TRRAP: variants seen among roughly 807,000 people sequenced by gnomAD.
TRRAP encodes transformation/transcription domain-associated protein.
A neutral mutation model predicts 438.8 loss-of-function variants in TRRAP; 41 were observed. The observed-to-expected ratio is 0.09, with a 90% CI of 0.07 to 0.12. The LOEUF (loss-of-function observed/expected upper bound fraction) is 0.12. Ranked by LOEUF, TRRAP falls within the 10% of genes least tolerant of loss-of-function variation. The pLI is 1.00. For synonymous variants in TRRAP, 1,994 were observed against 1,962.9 expected (o/e 1.02, Z -0.42); for missense variants, 3,122 against 5,055.1 (o/e 0.62, Z 11.60).
chr7:98,958,768 C>G (rs1775835690), intron 44 of TRRAP, among the ~76,000 whole-genome samples: 1 of 152,132 alleles, frequency 6.6e-6, no homozygotes, highest in African/African-American at 2.4e-5. Flanking sequence ...GAACGGTACA[C>G]AGCTCAGTAA....
intron 53 of TRRAP, 168 bp from the exon 54 acceptor site, chr7:98,975,981 G>C (rs917668463): frequency 1.1e-6 from 1 of 896,298 alleles, no homozygotes; most frequent in Non-Finnish European, 1.6e-6. Context: ...CCACCACTCA[G>C]GATCTGTGGG....
chr7:98,971,714 T>C, intron 52 of TRRAP, 85 bp from the exon 53 acceptor site: 4 of 1,501,958 alleles, frequency 2.7e-6, no homozygotes, highest in Non-Finnish European at 3.6e-6. Context: ...ACCAAAATTG[T>C]AACAAGAAGC....
At chr7:98,967,210 G>A in intron 50 of TRRAP, 48 bp downstream of exon 50, 1 of 1,577,216 alleles carries the variant, frequency 6.3e-7, no homozygotes, top group Admixed American at 1.9e-5. Flanking sequence ...TCCTTAATGT[G>A]CTCCCCGGCC....
chr7:98,922,603 C>G (rs1159869813), intron 21 of TRRAP, among the ~76,000 whole-genome samples: 1 of 152,148 alleles, frequency 6.6e-6, no homozygotes, highest in African/African-American at 2.4e-5. Flanking sequence ...CCAGTCCTTC[C>G]CCACATGGTG....
chr7:98,879,184 A>G (rs892954348), intron 1 of TRRAP, among the ~76,000 whole-genome samples: 3 of 152,164 alleles, frequency 2.0e-5, no homozygotes, highest in African/African-American at 7.2e-5. Flanking sequence ...GAGTAGGAGC[A>G]GGCCCGGCGC....
intron 39 of TRRAP, 86 bp from the exon 40 acceptor site, chr7:98,953,071 GTGTGTGTGTT>G (rs1236539592): frequency 5.1e-5 from 23 of 454,390 alleles, no homozygotes; most frequent in African/African-American, 4.0e-4. Context: ...GTGTGTGTGT[GTGTGTGTGTT>G]TTTAAGGCTT....
chr7:98,929,573 T>A (rs530850290), intron 23 of TRRAP, among the ~76,000 whole-genome samples: 1 of 152,146 alleles, frequency 6.6e-6, no homozygotes, highest in Non-Finnish European at 1.5e-5. Context: ...GAAATCTCAG[T>A]GGTGGCTTTT....
intron 26 of TRRAP, 129 bp from the exon 27 acceptor site, chr7:98,933,112 A>G (rs1790401862): frequency 2.0e-5 from 25 of 1,276,094 alleles, no homozygotes; most frequent in Non-Finnish European, 2.5e-5. Context: ...CATGAAATGT[A>G]TCTCCCGTTC....
At chr7:98,991,105 C>T (rs890983049) in intron 64 of TRRAP, among the ~76,000 whole-genome samples, 2 of 152,190 alleles carry the variant, frequency 1.3e-5, no homozygotes, top group African/African-American at 4.8e-5. Flanking sequence ...GCAGTGGGGC[C>T]AGGCCGGGGA....
intron 53 of TRRAP, chr7:98,975,834 T>A (rs1317897588): frequency 7.7e-6 from 2 of 258,774 alleles, no homozygotes; most frequent in Non-Finnish European, 1.5e-5. Context: ...TTCAGTCTTG[T>A]CAGTGTTTTT....
chr7:98,962,813 C>T (rs1336213329), intron 47 of TRRAP, among the ~76,000 whole-genome samples: 1 of 152,218 alleles, frequency 6.6e-6, no homozygotes, highest in Non-Finnish European at 1.5e-5. Flanking sequence ...CTTGTCCCGT[C>T]TTATTGCTGA....
rs182184427 is a variant in TRRAP, at chr7:98,899,543, T to C, written c.711+44T>C. On this transcript the variant is annotated intron_variant, in intron 9 of 72. Transcript: ENST00000456197. ...AGTCTCTTGGGTTTTGGGCTTCTTA[T>C]AAGAAAATTGGCATCTGGGGCCAAA... 35 of 1,610,624 alleles carry C rather than the reference T, an allele frequency of 2.2e-5. No individual in the cohort carries two copies. In the South Asian group the frequency reaches 2.3e-4, roughly 11 times the overall value.
intron 13 of TRRAP, among the ~76,000 whole-genome samples, chr7:98,907,636 C>T (rs1288094492): frequency 6.6e-6 from 1 of 152,204 alleles, no homozygotes; most frequent in Non-Finnish European, 1.5e-5. Flanking sequence ...TAGAGAAAAC[C>T]CAAACTCTTG....
chr7:98,999,624 C>T, intron 67 of TRRAP: 1 of 844,512 alleles, frequency 1.2e-6, no homozygotes, highest in Non-Finnish European at 2.0e-6. Context: ...GAGCAGAGAG[C>T]TGAGTTGGTG....
chr7:98,950,100 G>T lies in TRRAP; in HGVS notation c.5172G>T (p.Leu1724=), dbSNP rs1791265497. The T allele has an allele frequency of 3.1e-6, 5 of 1,614,250 alleles. No homozygotes were observed. Among genetic ancestry groups the T allele is most frequent in the Non-Finnish European group, 4.2e-6 (5 of 1,180,050 alleles). Reference sequence around the variant, plus strand: ...GAGATATAGAATTGCTGTTCCAGCTGCTCCGAGCCTTTACTGGTCGTTTTC... The same window carrying T: ...GAGATATAGAATTGCTGTTCCAGCTTCTCCGAGCCTTTACTGGTCGTTTTC... ...NYGDIELLFQ[L]LRAFTGRFLC... Residue 1724 remains leucine (L), a synonymous_variant, in exon 38 of 73, where the codon CTG becomes CTT. Transcript: ENST00000456197.
Position 98,971,845 on chromosome 7 carries a change from C to T in TRRAP, c.7739C>T (p.Thr2580Met), listed in dbSNP as rs76587346. Residue 2580 changes from threonine to methionine, a missense_variant, in exon 53 of 73, where the codon ACG (threonine) becomes ATG (methionine). Thr to Met is a moderately conservative substitution (Grantham distance 81). Coordinates refer to ENST00000456197, the MANE Select transcript of TRRAP (RefSeq NM_001375524.1). The stretch of plus-strand genomic sequence containing the variant: ...CTAGCTCCTGGGGATCAGACCAGCA[C>T]GCCCAAAACCAAAGAACTTTCAGAA... ...IELAPGDQTS[T>M]PKTKELSEKD... 6.0e-5 allele frequency: 97 copies of T among 1,614,150 alleles called. 2 individuals carry two copies. The South Asian group carries it at 8.5e-4, about 14-fold the overall frequency.
intron 11 of TRRAP, 80 bp downstream of exon 11, chr7:98,900,800 C>A: frequency 8.3e-7 from 1 of 1,198,426 alleles, no homozygotes; most frequent in South Asian, 1.4e-5. Context: ...GTGTACAGTT[C>A]TAGGAATTGA....
Position 98,953,184 on chromosome 7 carries a change from G to A in TRRAP, c.5481G>A (p.Lys1827=). The change falls in exon 40 of 73, where the codon AAG becomes AAA. Residue 1827 remains lysine, a synonymous_variant. Coordinates refer to ENST00000456197, the MANE Select transcript of TRRAP (RefSeq NM_001375524.1). Reference sequence around the variant, plus strand: ...CTGCACAGGTCCTGGACCCCGAGAAGCAGGCGGACATGCTGGACTCGCTGC... The same window carrying A: ...CTGCACAGGTCCTGGACCCCGAGAAACAGGCGGACATGCTGGACTCGCTGC... ...VFITKVLDPE[K]QADMLDSLRI... 1 of 1,612,852 alleles carries A rather than the reference G, an allele frequency of 6.2e-7. No homozygotes were observed. The highest frequency in any genetic ancestry group is 8.5e-7 in the Non-Finnish European group (1 of 1,179,964).
chr7:98,988,891 C>T lies in TRRAP; in HGVS notation c.9516C>T (p.Gly3172=), dbSNP rs372255507. The change falls in exon 63 of 73, where the codon GGC becomes GGT. Residue 3172 remains glycine, a synonymous_variant. Coordinates refer to ENST00000456197, the MANE Select transcript of TRRAP (RefSeq NM_001375524.1). Reference sequence around the variant, plus strand: ...TGAAGGAGCGGCAGCTGCACCTGGGCGTGTCTGCCATCACCTGCTACCTGC... The same window carrying T: ...TGAAGGAGCGGCAGCTGCACCTGGGTGTGTCTGCCATCACCTGCTACCTGC... ...IFVKERQLHL[G]VSAITCYLHA... is the part of the protein sequence containing the mutation. 92 of 1,613,972 alleles carry T rather than the reference C, an allele frequency of 5.7e-5. No homozygotes were observed. Among genetic ancestry groups the T allele is most frequent in the Non-Finnish European group, 7.5e-5 (88 of 1,180,026 alleles).
Sources: gnomAD v4.1 joint callset for allele counts (sites outside exome capture counted in the v4.1 genomes callset) on GRCh38, gnomAD v4.1.1 for gene constraint, MANE v1.5 for transcripts, NCBI Gene and HGNC (gene_info 2026-07-23, HGNC 2026-07-21) for gene names.